NLGN1: variants seen among roughly 807,000 people sequenced by gnomAD.
The protein encoded by NLGN1 is neuroligin-1.
NLGN1 carries 12 observed loss-of-function variants against 65.5 expected under a neutral mutation model. That is an observed-to-expected ratio of 0.18 (90% CI 0.12 to 0.30). The LOEUF is 0.30. Among genes scored for constraint, NLGN1 ranks in the 10% least tolerant of loss-of-function variants. The probability of loss-of-function intolerance (pLI) is 1.00; values close to 1 mark genes in which losing one functional copy is unlikely to be tolerated. For synonymous variants in NLGN1, 350 were observed against 359.5 expected, an observed-to-expected ratio of 0.97 and a Z score of 0.30; for missense variants, 750 against 1,007.1, an observed-to-expected ratio of 0.74 and a Z score of 3.46.
intron 4 of NLGN1, among the ~76,000 whole-genome samples, chr3:174,024,012 A>G (rs1164005659): frequency 6.6e-6 from 1 of 152,082 alleles, no homozygotes; most frequent in East Asian, 1.9e-4. Flanking sequence ...ACAGGGTGCA[A>G]GTAAGTACAT....
At chr3:174,187,183 A>AC (rs1731562284) in intron 4 of NLGN1, among the ~76,000 whole-genome samples, 1 of 151,900 alleles carries the variant, frequency 6.6e-6, no homozygotes, top group African/African-American at 2.4e-5. Flanking sequence ...GGTAGAATTC[A>AC]CAGATGAAGA....
intron 2 of NLGN1, among the ~76,000 whole-genome samples, chr3:173,562,306 C>T (rs1253167149): frequency 5.9e-5 from 9 of 152,256 alleles, no homozygotes; most frequent in South Asian, 2.1e-4. Context: ...CTGTGGCTCA[C>T]GCCTGTAATC....
At chr3:174,292,014 G>A in the NLGN1 span, among the ~76,000 whole-genome samples, 1,483 of 151,336 alleles carry the variant, frequency 9.8e-3, 24 homozygotes, top group African/African-American at 0.034. Flanking sequence ...TGCTTTATGT[G>A]TAACACAGAA....
chr3:173,822,883 T>G (rs1720592010), intron 4 of NLGN1, among the ~76,000 whole-genome samples: 1 of 152,048 alleles, frequency 6.6e-6, no homozygotes, highest in Non-Finnish European at 1.5e-5. Context: ...ATATTGTCCC[T>G]TTTTTTCTTT....
intron 2 of NLGN1, among the ~76,000 whole-genome samples, chr3:173,560,883 C>T (rs1742624645): frequency 6.6e-6 from 1 of 152,074 alleles, no homozygotes. Context: ...TTTCTCTACA[C>T]CCTATAAATA....
intron 5 of NLGN1, among the ~76,000 whole-genome samples, chr3:174,277,292 T>C (rs1227650191): frequency 6.6e-6 from 1 of 151,886 alleles, no homozygotes. Flanking sequence ...TGCTCAGGCC[T>C]GGATATACCA....
intron 2 of NLGN1, among the ~76,000 whole-genome samples, chr3:173,577,706 T>C (rs1230681576): frequency 1.3e-5 from 2 of 152,166 alleles, no homozygotes; most frequent in Non-Finnish European, 2.9e-5. Context: ...CAGAAATAAT[T>C]TTATTCACAT....
chr3:173,557,253 TCTA>T (rs1469273426), intron 2 of NLGN1, among the ~76,000 whole-genome samples: 2 of 152,200 alleles, frequency 1.3e-5, no homozygotes, highest in Non-Finnish European at 2.9e-5. Context: ...AGCCTGTTTT[TCTA>T]CTATCATCAT....
At chr3:173,493,671 C>G (rs923800072) in intron 2 of NLGN1, among the ~76,000 whole-genome samples, 3 of 151,744 alleles carry the variant, frequency 2.0e-5, no homozygotes, top group Non-Finnish European at 4.4e-5. Context: ...AATTGAGGCA[C>G]AGAAGGCCAA....
At chr3:173,943,935 A>C (rs1176197505) in intron 4 of NLGN1, among the ~76,000 whole-genome samples, 1 of 152,238 alleles carries the variant, frequency 6.6e-6, no homozygotes, top group African/African-American at 2.4e-5. Context: ...CAACATCATT[A>C]GTAACAAATA....
chr3:173,438,839 G>A (rs192873822), intron 2 of NLGN1, among the ~76,000 whole-genome samples: 2 of 152,256 alleles, frequency 1.3e-5, no homozygotes, highest in South Asian at 2.1e-4. Flanking sequence ...AGAGGGAACA[G>A]TGTTATATGT....
intron 4 of NLGN1, among the ~76,000 whole-genome samples, chr3:174,155,174 C>T (rs1044368566): frequency 6.6e-6 from 1 of 150,412 alleles, no homozygotes; most frequent in Non-Finnish European, 1.5e-5. Context: ...AATAGCATAA[C>T]TTGCATTTTT....
At position 174,086,883 on chromosome 3, in the gene NLGN1, C is replaced by A. The variant is rs150817518; in HGVS notation, c.647-188432C>A. On this transcript the variant is annotated intron_variant, in intron 4 of 6. Coordinates refer to ENST00000457714, the Ensembl canonical transcript of NLGN1. ...TTTTTCTTGTTATAAATCCCCAAAG[C>A]CAAGATTCAGAATCTTTTAGCATCC... Among the ~76,000 whole-genome samples the A allele has an allele frequency of 1.8e-3, 275 of 152,180 alleles. 2 individuals carry two copies. Among genetic ancestry groups the A allele is most frequent in the African/African-American group, 6.5e-3 (271 of 41,510 alleles).
intron 3 of NLGN1, among the ~76,000 whole-genome samples, chr3:173,801,188 A>G (rs1262021322): frequency 3.3e-5 from 5 of 152,020 alleles, no homozygotes; most frequent in Non-Finnish European, 7.4e-5. Flanking sequence ...CTTTCATTTG[A>G]CATACAATTC....
chr3:173,940,407 T>C (rs1158595143), intron 4 of NLGN1, among the ~76,000 whole-genome samples: 2 of 152,134 alleles, frequency 1.3e-5, no homozygotes, highest in African/African-American at 2.4e-5. Context: ...TTATATCTTG[T>C]AGGTTCCTGG....
chr3:173,627,401 TAC>T (rs746068968), intron 3 of NLGN1, among the ~76,000 whole-genome samples: 3 of 151,618 alleles, frequency 2.0e-5, no homozygotes, highest in African/African-American at 7.3e-5. Flanking sequence ...TTTTTTCCAT[TAC>T]ACACACACAC....
intron 4 of NLGN1, among the ~76,000 whole-genome samples, chr3:174,195,246 T>C (rs1251527435): frequency 6.6e-6 from 1 of 152,176 alleles, no homozygotes; most frequent in Non-Finnish European, 1.5e-5. Context: ...CCATCATATA[T>C]AGTAATTGTT....
chr3:174,118,288 A>G (rs1431051825), intron 4 of NLGN1, among the ~76,000 whole-genome samples: 1 of 152,126 alleles, frequency 6.6e-6, no homozygotes, highest in Non-Finnish European at 1.5e-5. Flanking sequence ...GGAAGAATCT[A>G]TGCCTGCTTC....
At chr3:173,652,128 T>G in intron 3 of NLGN1, among the ~76,000 whole-genome samples, 1 of 152,130 alleles carries the variant, frequency 6.6e-6, no homozygotes, top group East Asian at 1.9e-4. Flanking sequence ...TATTTGGTTG[T>G]TATTGTTGAG....
Sources: allele counts gnomAD v4.1 joint callset (sites outside exome capture counted in the v4.1 genomes callset), GRCh38; gene constraint gnomAD v4.1.1; transcripts MANE v1.5; gene names NCBI Gene and HGNC (gene_info 2026-07-23, HGNC 2026-07-21).